Variants in KSR1 observed in about 807,000 individuals in gnomAD.
The protein encoded by KSR1 is kinase suppressor of ras.
Under a neutral mutation model 92.9 loss-of-function variants are expected in KSR1, and 35 were observed. The observed-to-expected ratio is 0.38, with a 90% CI of 0.29 to 0.50. The LOEUF is 0.50. Among genes scored for constraint, KSR1 ranks in the 20% least tolerant of loss-of-function variants. The probability of loss-of-function intolerance (pLI) is 0.94; values close to 1 mark genes in which losing one functional copy is unlikely to be tolerated. For synonymous variants in KSR1, 467 were observed against 472.6 expected (o/e 0.99, Z 0.15); for missense variants, 972 against 1,158.5 (o/e 0.84, Z 2.34).
At chr17:27,532,207 C>T (rs1408809549) in intron 1 of KSR1, among the ~76,000 whole-genome samples, 1 of 152,218 alleles carries the variant, frequency 6.6e-6, no homozygotes, top group African/African-American at 2.4e-5. Context: ...ATAATCCTCA[C>T]TGGTTGACGT....
rs72481477 is a variant in KSR1, at chr17:27,456,880, T to G, written c.231+6T>G. ...AGGAGATACGGACCCTGGAGGTAAG[T>G]GGGTCGGGGACCAGGCTGGGCTCGA... On this transcript the variant is annotated splice_donor_region_variant and intron_variant, in intron 1 of 20. Coordinates refer to ENST00000644974, the MANE Select transcript of KSR1 (RefSeq NM_001394583.1). 10 of 868,334 alleles carry G rather than the reference T, an allele frequency of 1.2e-5. No homozygotes were observed. The highest frequency in any genetic ancestry group is 1.9e-5 in the Non-Finnish European group (10 of 514,886). 53.8% of individuals were successfully genotyped at this position (868,334 alleles called of 1,614,324 possible). A position where few individuals can be genotyped will look rare whatever the true frequency, so the allele number is the denominator to read the frequency against.
chr17:27,622,317 C>T (rs959275820), intron 20 of KSR1: 5 of 239,864 alleles, frequency 2.1e-5, no homozygotes, highest in Admixed American at 1.1e-4. Context: ...GCCTTCCACC[C>T]TCCTGAGCAC....
chr17:27,550,153 C>T (rs1053775247), intron 1 of KSR1, among the ~76,000 whole-genome samples: 1 of 152,238 alleles, frequency 6.6e-6, no homozygotes, highest in African/African-American at 2.4e-5. Context: ...GATCCTCCCA[C>T]CTTAGCCTCC....
intron 1 of KSR1, among the ~76,000 whole-genome samples, chr17:27,479,488 A>C (rs548166025): frequency 6.6e-5 from 10 of 152,040 alleles, no homozygotes; most frequent in Non-Finnish European, 1.5e-4. Flanking sequence ...GTTCCTTCTG[A>C]GGCGGGTGTA....
At chr17:27,564,624 G>T (rs1461934064) in intron 2 of KSR1, among the ~76,000 whole-genome samples, 1 of 152,128 alleles carries the variant, frequency 6.6e-6, no homozygotes, top group Non-Finnish European at 1.5e-5. Context: ...TCCATGAAGG[G>T]CTGTTTCCCT....
chr17:27,484,494 T>G (rs1254357065), intron 1 of KSR1, among the ~76,000 whole-genome samples: 1 of 152,206 alleles, frequency 6.6e-6, no homozygotes, highest in Non-Finnish European at 1.5e-5. Context: ...GTGCTGGGCA[T>G]TACAGGCGTG....
At chr17:27,548,895 A>G (rs939174163) in intron 1 of KSR1, among the ~76,000 whole-genome samples, 1 of 152,090 alleles carries the variant, frequency 6.6e-6, no homozygotes, top group Non-Finnish European at 1.5e-5. Flanking sequence ...TTGAGGTCCA[A>G]AGTGTTTTGG....
In KSR1 at chr17:27,521,785, G is replaced by A. The variant is rs537449862; in HGVS notation, c.232-28783G>A. Among the ~76,000 whole-genome samples the A allele has an allele frequency of 5.4e-4, 82 of 152,268 alleles. 1 individual carries two copies. The highest frequency in any genetic ancestry group is 1.0e-3 in the Non-Finnish European group (69 of 68,012). On this transcript the variant is annotated intron_variant, in intron 1 of 20. Coordinates refer to ENST00000644974, the MANE Select transcript of KSR1 (RefSeq NM_001394583.1). ...GTGGGTTAGAACCAGGTCTCCTGAC[G>A]TCTGAGCTCCCAAAGCACCACCTGT...
intron 1 of KSR1, among the ~76,000 whole-genome samples, chr17:27,543,516 C>T (rs2948529): frequency 0.41 from 61,908 of 152,028 alleles, 13,247 homozygotes; most frequent in African/African-American, 0.53. Flanking sequence ...CTCAGTGGCA[C>T]GTGCTTCTCC....
At chr17:27,581,897 G>C (rs756074242) in intron 3 of KSR1, among the ~76,000 whole-genome samples, 7 of 152,124 alleles carry the variant, frequency 4.6e-5, no homozygotes, top group Admixed American at 3.3e-4. Flanking sequence ...GGTGTAGAAG[G>C]AAGTGGCTGT....
At chr17:27,558,469 C>T (rs1477273292) in intron 2 of KSR1, among the ~76,000 whole-genome samples, 1 of 152,058 alleles carries the variant, frequency 6.6e-6, no homozygotes, top group Non-Finnish European at 1.5e-5. Flanking sequence ...CATACATGCG[C>T]ACACAGTGAC....
intron 1 of KSR1, among the ~76,000 whole-genome samples, chr17:27,461,948 C>T (rs1247146463): frequency 1.4e-5 from 2 of 140,886 alleles, no homozygotes; most frequent in Admixed American, 1.4e-4. Context: ...GCAGCAAAGC[C>T]TGTGGCCAAG....
chr17:27,597,714 CAT>C (rs1163195956), intron 10 of KSR1, among the ~76,000 whole-genome samples: 1 of 152,160 alleles, frequency 6.6e-6, no homozygotes, highest in African/African-American at 2.4e-5. Flanking sequence ...TCTGACATAA[CAT>C]AATCCTCGCA....
chr17:27,509,516 C>T (rs1307543751), intron 1 of KSR1, among the ~76,000 whole-genome samples: 2 of 151,854 alleles, frequency 1.3e-5, no homozygotes, highest in Non-Finnish European at 2.9e-5. Flanking sequence ...GTCTTGATCT[C>T]CTGACCTCGT....
At chr17:27,592,160 T>A (rs1402109413) in intron 7 of KSR1, among the ~76,000 whole-genome samples, 2 of 152,168 alleles carry the variant, frequency 1.3e-5, no homozygotes, top group Non-Finnish European at 2.9e-5. Flanking sequence ...CAGCAGAACG[T>A]GGTAAATGCT....
intron 1 of KSR1, among the ~76,000 whole-genome samples, chr17:27,517,375 C>G (rs1194510692): frequency 6.6e-6 from 1 of 152,050 alleles, no homozygotes. Context: ...CTCTATGGCC[C>G]AGGCTGGAGT....
At chr17:27,607,829 A>G (rs2073802753) in intron 14 of KSR1, 85 bp from the exon 15 acceptor site, 1 of 971,804 alleles carries the variant, frequency 1.0e-6, no homozygotes, top group Non-Finnish European at 1.6e-6. Flanking sequence ...GCAGACGGGC[A>G]CAGTTCTCCC....
chr17:27,475,659 G>T (rs1467179419), intron 1 of KSR1, among the ~76,000 whole-genome samples: 1 of 152,200 alleles, frequency 6.6e-6, no homozygotes, highest in Non-Finnish European at 1.5e-5. Flanking sequence ...CCTTACAGGG[G>T]TGTTCCTCCT....
intron 18 of KSR1, among the ~76,000 whole-genome samples, chr17:27,616,307 G>A (rs1380281065): frequency 3.3e-5 from 5 of 152,096 alleles, no homozygotes; most frequent in African/African-American, 9.7e-5. Flanking sequence ...ACCTTCTTTT[G>A]TATTTTCCAT....
Sources: allele counts gnomAD v4.1 joint callset (sites outside exome capture counted in the v4.1 genomes callset), GRCh38; gene constraint gnomAD v4.1.1; transcripts MANE v1.5; gene names NCBI Gene and HGNC (gene_info 2026-07-23, HGNC 2026-07-21).